SNX14: variants seen among roughly 807,000 people sequenced by gnomAD.
SNX14 encodes the protein sorting nexin 14.
In SNX14, 93 loss-of-function variants were observed where a neutral mutation model predicts 133.8. That is an observed-to-expected ratio of 0.70 (90% CI 0.59 to 0.83). The LOEUF is 0.83. SNX14 is among the 40% of genes least tolerant of loss of function. The pLI is 0.00. For missense variants in SNX14, 945 were observed against 1,094.9 expected, an observed-to-expected ratio of 0.86 and a Z score of 1.93; for synonymous variants, 368 against 365.6, an observed-to-expected ratio of 1.01 and a Z score of -0.07.
intron 26 of SNX14, among the ~76,000 whole-genome samples, chr6:85,508,759 T>C (rs1411026102): frequency 6.6e-6 from 1 of 152,160 alleles, no homozygotes; most frequent in Non-Finnish European, 1.5e-5. Flanking sequence ...GTACCACTGA[T>C]ATCAATTCTG....
Position 85,548,840 on chromosome 6 carries a change from G to A in SNX14, c.792-464C>T, listed in dbSNP as rs774849364. Reference sequence around the variant, plus strand: ...AAATTAGCTGGGCATGATGGTGCATGCCTGTAATCCCAGCTAATAGGGAGG... The same window carrying A: ...AAATTAGCTGGGCATGATGGTGCATACCTGTAATCCCAGCTAATAGGGAGG... On this transcript the variant is annotated intron_variant, in intron 8 of 28. Transcript: ENST00000314673. Among the ~76,000 whole-genome samples the A allele has an allele frequency of 2.0e-4, 30 of 151,848 alleles. 1 individual carries two copies. The Middle Eastern group carries it at 0.01, about 52-fold the overall frequency.
At chr6:85,541,592 AAAAG>A (rs901589148) in intron 15 of SNX14, among the ~76,000 whole-genome samples, 3 of 152,162 alleles carry the variant, frequency 2.0e-5, no homozygotes, top group African/African-American at 7.2e-5. Flanking sequence ...AGAGCCAAAA[AAAAG>A]AAAGAAATAA....
At position 85,514,199 on chromosome 6, in the gene SNX14, G is replaced by C. The variant is rs1281958961; in HGVS notation, c.2428C>G (p.His810Asp). 6.2e-7 allele frequency: 1 copy of C among 1,613,636 alleles called. No individual in the cohort carries two copies. Among genetic ancestry groups the C allele is most frequent in the Non-Finnish European group, 8.5e-7 (1 of 1,179,822 alleles). Residue 810 changes from histidine (H) to aspartate (D), a missense_variant, in exon 25 of 29, where the codon CAT (histidine) becomes GAT (aspartate). This residue lies in a region of SNX14 where 412 missense variants were observed against 516.6 expected (regional missense o/e 0.80). Transcript: ENST00000314673. ...VVFQVPDWLH[H>D]LLMGTRILFK... Reference sequence around the variant, plus strand: ...AGGATTCGAGTTCCCATTAAGAGATGATGAAGCCAGTCAGGAACCTGGAAA... The same window carrying C: ...AGGATTCGAGTTCCCATTAAGAGATCATGAAGCCAGTCAGGAACCTGGAAA...
chr6:85,546,268 G>T (rs1785457224), intron 12 of SNX14, among the ~76,000 whole-genome samples: 1 of 152,114 alleles, frequency 6.6e-6, no homozygotes, highest in African/African-American at 2.4e-5. Context: ...GTACACACAT[G>T]CAAAACTGAT....
intron 7 of SNX14, 30 bp downstream of exon 7, chr6:85,557,946 T>G: frequency 7.5e-7 from 1 of 1,337,302 alleles, no homozygotes. Flanking sequence ...AAAACAAAAT[T>G]ACTCAAACTG....
intron 9 of SNX14, among the ~76,000 whole-genome samples, chr6:85,547,970 T>G (rs1368694347): frequency 6.6e-6 from 1 of 152,214 alleles, no homozygotes; most frequent in Non-Finnish European, 1.5e-5. Context: ...TTGAAGACAC[T>G]ATGCTAAGTG....
intron 15 of SNX14, among the ~76,000 whole-genome samples, chr6:85,540,782 C>T (rs1032461899): frequency 8.5e-5 from 13 of 152,158 alleles, no homozygotes; most frequent in African/African-American, 3.1e-4. Context: ...CTATCTAAAA[C>T]ATTGCCCCAT....
intron 1 of SNX14, among the ~76,000 whole-genome samples, chr6:85,579,457 G>T (rs1373966954): frequency 6.6e-6 from 1 of 152,186 alleles, no homozygotes; most frequent in East Asian, 1.9e-4. Flanking sequence ...AAAACCAGGT[G>T]ACTGATCACA....
chr6:85,543,513 G>A, intron 13 of SNX14, 92 bp downstream of exon 13: 3 of 1,102,804 alleles, frequency 2.7e-6, no homozygotes, highest in Non-Finnish European at 3.9e-6. Context: ...AGCTGCCCAT[G>A]TACTGCAGCT....
chr6:85,547,065 T>C (rs79554685), intron 12 of SNX14, 47 bp downstream of exon 12: 1 of 1,369,876 alleles, frequency 7.3e-7, no homozygotes, highest in East Asian at 2.4e-5. Flanking sequence ...TCAAATACAT[T>C]AAAAGGTTTA....
At chr6:85,506,890 T>C (rs1385085682) in intron 28 of SNX14, among the ~76,000 whole-genome samples, 1 of 152,230 alleles carries the variant, frequency 6.6e-6, no homozygotes, top group Non-Finnish European at 1.5e-5. Context: ...CTCTAGTTTC[T>C]GACTTACACA....
chr6:85,518,328 A>G (rs1037393606), intron 21 of SNX14, among the ~76,000 whole-genome samples: 2 of 151,322 alleles, frequency 1.3e-5, no homozygotes, highest in African/African-American at 4.8e-5. Context: ...ACGTTGAGTA[A>G]GAAGTTTATT....
At chr6:85,555,257 A>G (rs1489858233) in intron 7 of SNX14, among the ~76,000 whole-genome samples, 1 of 152,196 alleles carries the variant, frequency 6.6e-6, no homozygotes, top group Non-Finnish European at 1.5e-5. Flanking sequence ...AACTGTATTA[A>G]AAATACTTCC....
At chr6:85,561,837 T>A (rs1791737785) in intron 6 of SNX14, among the ~76,000 whole-genome samples, 1 of 152,088 alleles carries the variant, frequency 6.6e-6, no homozygotes, top group African/African-American at 2.4e-5. Context: ...TTTTTTTTTT[T>A]TCCTTTTTCT....
intron 7 of SNX14, among the ~76,000 whole-genome samples, chr6:85,550,614 T>G (rs1040763960): frequency 2.0e-5 from 3 of 152,002 alleles, no homozygotes; most frequent in Non-Finnish European, 4.4e-5. Context: ...TCCTCCGACT[T>G]GAGCCTCCAG....
At chr6:85,564,073 C>A (rs1441969937) in intron 6 of SNX14, among the ~76,000 whole-genome samples, 1 of 152,166 alleles carries the variant, frequency 6.6e-6, no homozygotes. Context: ...TTTCCAGCTT[C>A]ATCCATGTCC....
At chr6:85,510,534 G>A (rs145968332) in intron 26 of SNX14, among the ~76,000 whole-genome samples, 1,539 of 152,142 alleles carry the variant, frequency 0.01, 11 homozygotes, top group Non-Finnish European at 0.013. Context: ...TATCTGATAC[G>A]TCTTTTGCAA....
At chr6:85,592,399 G>A (rs1175915862) in intron 1 of SNX14, among the ~76,000 whole-genome samples, 1 of 152,198 alleles carries the variant, frequency 6.6e-6, no homozygotes, top group Non-Finnish European at 1.5e-5. Context: ...AAGATAAAGA[G>A]TAAGAATGGT....
intron 17 of SNX14, among the ~76,000 whole-genome samples, chr6:85,535,032 T>A (rs1781479784): frequency 6.7e-6 from 1 of 149,626 alleles, no homozygotes. Flanking sequence ...TCCATACTTT[T>A]TTTTTTTTTT....
Sources: allele counts gnomAD v4.1 joint callset (sites outside exome capture counted in the v4.1 genomes callset), GRCh38; gene constraint gnomAD v4.1.1; regional missense constraint gnomAD v4.1.1; transcripts MANE v1.5; gene names NCBI Gene and HGNC (gene_info 2026-07-23, HGNC 2026-07-21).